Variants in NALCN observed in about 807,000 individuals in gnomAD.
NALCN encodes the protein sodium leak channel, non-selective, also known as sodium leak channel NALCN.
NALCN carries 111 observed loss-of-function variants against 225.3 expected under a neutral mutation model. The observed-to-expected ratio is 0.49, with a 90% confidence interval of 0.42 to 0.58. The LOEUF (loss-of-function observed/expected upper bound fraction) is 0.58, where lower values mean the gene tolerates loss of function less well. Ranked by LOEUF, NALCN falls within the 20% of genes least tolerant of loss-of-function variation. The pLI is 0.00. For missense variants in NALCN, 1,378 were observed against 2,202.4 expected (o/e 0.63, Z 7.49); for synonymous variants, 764 against 769.0 (o/e 0.99, Z 0.11).
At chr13:101,191,851 A>C in intron 14 of NALCN, 66 bp downstream of exon 14, 1 of 1,531,234 alleles carries the variant, frequency 6.5e-7, no homozygotes, top group Non-Finnish European at 8.8e-7. Flanking sequence ...AATAGGCCAA[A>C]TATCTGTTGA....
intron 6 of NALCN, among the ~76,000 whole-genome samples, chr13:101,358,217 T>C (rs542617039): frequency 6.6e-6 from 1 of 152,244 alleles, no homozygotes; most frequent in South Asian, 2.1e-4. Context: ...AAAGAGCTTA[T>C]GCACAGCAAA....
rs533668286 is a variant in NALCN, at chr13:101,330,082, T to C, written c.799+15184A>G. On this transcript the variant is annotated intron_variant, in intron 7 of 43. Coordinates refer to ENST00000251127, the MANE Select transcript of NALCN (RefSeq NM_052867.4). ...TATATATACATATATATAATGTTAT[T>C]AGCAGCATATATATATATGGGCTTT... Among the ~76,000 whole-genome samples the C allele has an allele frequency of 6.6e-5, 10 of 150,628 alleles. No homozygotes were observed. In the South Asian group the frequency reaches 2.1e-3, roughly 31 times the overall value.
chr13:101,083,834 C>G, intron 30 of NALCN, 30 bp from the exon 31 acceptor site: 1 of 1,603,748 alleles, frequency 6.2e-7, no homozygotes, highest in Non-Finnish European at 8.5e-7. Flanking sequence ...CAGGAAAAGG[C>G]CTTTTGTCAT....
At chr13:101,273,823 T>C (rs2042880833) in intron 10 of NALCN, among the ~76,000 whole-genome samples, 1 of 149,860 alleles carries the variant, frequency 6.7e-6, no homozygotes, top group South Asian at 2.1e-4. Context: ...AGGCGGAGCT[T>C]TCAGTGAGCC....
chr13:101,066,153 CA>C (rs1289355633), intron 39 of NALCN, among the ~76,000 whole-genome samples: 2 of 151,970 alleles, frequency 1.3e-5, no homozygotes, highest in Non-Finnish European at 2.9e-5. Context: ...TGATGAAGCC[CA>C]GTCTCTACTA....
At chr13:101,056,063 A>G (rs1183247039) in intron 43 of NALCN, among the ~76,000 whole-genome samples, 2 of 152,118 alleles carry the variant, frequency 1.3e-5, no homozygotes, top group Non-Finnish European at 2.9e-5. Context: ...CAGGATTAAA[A>G]CAGGTTACAT....
chr13:101,214,462 CATCT>C (rs762700370), intron 13 of NALCN, among the ~76,000 whole-genome samples: 2 of 151,618 alleles, frequency 1.3e-5, no homozygotes, highest in Non-Finnish European at 2.9e-5. Flanking sequence ...AAAGTCTATC[CATCT>C]GAGAGTCCAT....
intron 13 of NALCN, among the ~76,000 whole-genome samples, chr13:101,213,420 T>C (rs1238784731): frequency 1.3e-5 from 2 of 152,128 alleles, no homozygotes; most frequent in East Asian, 1.9e-4. Flanking sequence ...CCCAACGCAA[T>C]GGCAACAGGA....
At chr13:101,326,362 TA>T (rs2044952067) in intron 7 of NALCN, among the ~76,000 whole-genome samples, 2 of 152,192 alleles carry the variant, frequency 1.3e-5, no homozygotes, top group South Asian at 4.1e-4. Context: ...TGAATAAACT[TA>T]AAACACTGCT....
intron 17 of NALCN, among the ~76,000 whole-genome samples, chr13:101,135,057 T>A (rs189107464): frequency 1.3e-5 from 2 of 151,884 alleles, no homozygotes; most frequent in Admixed American, 1.3e-4. Context: ...TAGCCGGGCG[T>A]GGTTGCGGGC....
chr13:101,254,001 T>C (rs2042137659), intron 11 of NALCN, among the ~76,000 whole-genome samples: 1 of 152,220 alleles, frequency 6.6e-6, no homozygotes, highest in Non-Finnish European at 1.5e-5. Flanking sequence ...TTGTCTCATG[T>C]ATAAGTTTCT....
At chr13:101,232,975 T>A (rs2041411059) in intron 12 of NALCN, among the ~76,000 whole-genome samples, 1 of 152,206 alleles carries the variant, frequency 6.6e-6, no homozygotes, top group Non-Finnish European at 1.5e-5. Context: ...AAAATGGAAC[T>A]ATTTAATACC....
At chr13:101,378,843 A>C (rs2046767171) in intron 3 of NALCN, among the ~76,000 whole-genome samples, 190 bp from the exon 4 acceptor site, 1 of 152,234 alleles carries the variant, frequency 6.6e-6, no homozygotes, top group Non-Finnish European at 1.5e-5. Context: ...AATTTATAAA[A>C]GACAAGCAAC....
At chr13:101,349,823 A>G (rs1361771948) in intron 6 of NALCN, among the ~76,000 whole-genome samples, 1 of 151,984 alleles carries the variant, frequency 6.6e-6, no homozygotes, top group Non-Finnish European at 1.5e-5. Context: ...TGCTTATTAG[A>G]TTTCTCCACT....
chr13:101,347,575 A>G (rs1018748665), intron 6 of NALCN, among the ~76,000 whole-genome samples: 2 of 152,196 alleles, frequency 1.3e-5, no homozygotes, highest in African/African-American at 4.8e-5. Flanking sequence ...CTCATCAACG[A>G]TGCTTGTCAT....
intron 14 of NALCN, among the ~76,000 whole-genome samples, chr13:101,188,905 C>A (rs1400189051): frequency 1.3e-5 from 2 of 152,098 alleles, no homozygotes; most frequent in African/African-American, 4.8e-5. Flanking sequence ...CCAGGCTGAT[C>A]TTTAACTCCT....
chr13:101,388,598 T>C (rs1377088590), intron 3 of NALCN, among the ~76,000 whole-genome samples: 1 of 152,196 alleles, frequency 6.6e-6, no homozygotes, highest in African/African-American at 2.4e-5. Context: ...AAACTTGTGT[T>C]CTCTCACTGC....
chr13:101,090,296 C>T (rs1375863060), intron 28 of NALCN, among the ~76,000 whole-genome samples: 1 of 152,152 alleles, frequency 6.6e-6, no homozygotes, highest in Non-Finnish European at 1.5e-5. Flanking sequence ...AACATTTCTA[C>T]CTTGTCCTGA....
intron 7 of NALCN, among the ~76,000 whole-genome samples, chr13:101,318,417 T>C (rs1328042218): frequency 6.6e-6 from 1 of 152,216 alleles, no homozygotes; most frequent in Non-Finnish European, 1.5e-5. Flanking sequence ...TCAGGATCCC[T>C]AAGCATGAAC....
Sources: allele counts gnomAD v4.1 joint callset (sites outside exome capture counted in the v4.1 genomes callset), GRCh38; gene constraint gnomAD v4.1.1; transcripts MANE v1.5; gene names NCBI Gene and HGNC (gene_info 2026-07-23, HGNC 2026-07-21).